FBLN2: variants seen among roughly 807,000 people sequenced by gnomAD.
FBLN2 encodes fibulin 2, also known as fibulin-2.
FBLN2 carries 81 observed loss-of-function variants against 123.7 expected under a neutral mutation model. The observed-to-expected ratio is 0.65, with a 90% CI of 0.55 to 0.79. The LOEUF is 0.79. Ranked by LOEUF, FBLN2 falls within the 30% of genes least tolerant of loss-of-function variation. The pLI, the probability that FBLN2 is intolerant of heterozygous loss-of-function variation, is 0.00. For missense variants in FBLN2, 1,603 were observed against 1,681.3 expected, an observed-to-expected ratio of 0.95 and a Z score of 0.81; for synonymous variants, 699 against 701.4, an observed-to-expected ratio of 1.00 and a Z score of 0.05.
intron 13 of FBLN2, 114 bp from the exon 14 acceptor site, chr3:13,629,706 C>G: frequency 1.4e-6 from 2 of 1,394,438 alleles, no homozygotes; most frequent in Non-Finnish European, 1.9e-6. Context: ...CCCTGTCTTT[C>G]CTTCTGGGTC....
intron 16 of FBLN2, among the ~76,000 whole-genome samples, chr3:13,632,913 G>A (rs1442559049): frequency 6.6e-6 from 1 of 152,152 alleles, no homozygotes; most frequent in Non-Finnish European, 1.5e-5. Flanking sequence ...AGCTCGGCAG[G>A]AAATATGGCT....
At chr3:13,620,085 G>A (rs1281841193) in intron 8 of FBLN2, among the ~76,000 whole-genome samples, 10 of 152,152 alleles carry the variant, frequency 6.6e-5, no homozygotes, top group African/African-American at 2.4e-4. Flanking sequence ...CTCACATGGT[G>A]TCGCTCCGCA....
intron 4 of FBLN2, 46 bp downstream of exon 4, chr3:13,609,688 G>GGGGGGGGGGGGGGGGGGCCC: frequency 2.0e-6 from 1 of 512,604 alleles, no homozygotes; most frequent in Non-Finnish European, 3.6e-6. Flanking sequence ...GTGGGGCGGG[G>GGGGGGGGGGGGGGGGGGCCC]CGGGAGGCTG....
At chr3:13,592,330 T>C (rs1439701917) in intron 2 of FBLN2, among the ~76,000 whole-genome samples, 1 of 151,708 alleles carries the variant, frequency 6.6e-6, no homozygotes, top group African/African-American at 2.4e-5. Flanking sequence ...CCGGCCAATG[T>C]TTTCTGGCCT....
intron 2 of FBLN2, among the ~76,000 whole-genome samples, chr3:13,605,222 C>T (rs1020128175): frequency 3.9e-5 from 6 of 152,108 alleles, no homozygotes; most frequent in Admixed American, 1.3e-4. Context: ...GTTAATTACA[C>T]GTCTCATTTC....
chr3:13,560,287 G>T (rs1013360625), intron 1 of FBLN2, among the ~76,000 whole-genome samples: 1 of 152,076 alleles, frequency 6.6e-6, no homozygotes, highest in Non-Finnish European at 1.5e-5. Context: ...AACCCTGGCT[G>T]TTCCACTTGA....
intron 1 of FBLN2, among the ~76,000 whole-genome samples, chr3:13,562,276 G>A (rs967012030): frequency 6.6e-6 from 1 of 150,416 alleles, no homozygotes; most frequent in Non-Finnish European, 1.5e-5. Flanking sequence ...CTGTTCTTTG[G>A]TTATTTACGT....
chr3:13,621,724 C>T (rs1705857116), intron 8 of FBLN2, 51 bp from the exon 9 acceptor site: 2 of 1,602,582 alleles, frequency 1.2e-6, no homozygotes. Flanking sequence ...TCCGTGGCAG[C>T]CCATGTCCCT....
chr3:13,607,969 C>A, intron 2 of FBLN2, 93 bp from the exon 3 acceptor site: 2 of 927,656 alleles, frequency 2.2e-6, no homozygotes, highest in Non-Finnish European at 3.3e-6. Flanking sequence ...ATGAGTTTGC[C>A]TGCCCAGTAA....
chr3:13,590,818 C>T (rs774067374), intron 2 of FBLN2, among the ~76,000 whole-genome samples: 5 of 152,142 alleles, frequency 3.3e-5, no homozygotes, highest in Non-Finnish European at 7.3e-5. Context: ...TTTTAAAAAT[C>T]AGTTTTAGTG....
At chr3:13,598,880 C>T (rs1385420314) in intron 2 of FBLN2, among the ~76,000 whole-genome samples, 1 of 152,192 alleles carries the variant, frequency 6.6e-6, no homozygotes, top group Non-Finnish European at 1.5e-5. Flanking sequence ...ACAGAGCCTG[C>T]TGGACGCACA....
At chr3:13,584,870 T>C (rs913310579) in intron 2 of FBLN2, among the ~76,000 whole-genome samples, 2 of 152,170 alleles carry the variant, frequency 1.3e-5, no homozygotes, top group African/African-American at 4.8e-5. Context: ...TAGAGTGAGC[T>C]CAGATGCCCA....
chr3:13,636,262 G>C (rs1179917411), intron 16 of FBLN2, among the ~76,000 whole-genome samples, 183 bp from the exon 17 acceptor site: 1 of 152,334 alleles, frequency 6.6e-6, no homozygotes, highest in South Asian at 2.1e-4. Flanking sequence ...TGACACTTTA[G>C]AGCCAGGCCC....
intron 1 of FBLN2, among the ~76,000 whole-genome samples, chr3:13,567,762 G>A (rs752719996): frequency 7.9e-5 from 12 of 151,210 alleles, no homozygotes; most frequent in Non-Finnish European, 1.5e-4. Flanking sequence ...GAGGTCAAGA[G>A]TTCAAGACCA....
At chr3:13,579,683 A>T (rs1243481304) in intron 2 of FBLN2, among the ~76,000 whole-genome samples, 4 of 152,190 alleles carry the variant, frequency 2.6e-5, no homozygotes, top group Non-Finnish European at 5.9e-5. Context: ...TCTTTGATTT[A>T]CCGGTTCCCT....
At chr3:13,568,942 G>A (rs1703831861) in intron 1 of FBLN2, 6 of 985,656 alleles carry the variant, frequency 6.1e-6, no homozygotes, top group Non-Finnish European at 7.2e-6. Context: ...TAGAAATGGG[G>A]CAGGCTTGGG....
chr3:13,586,215 C>T (rs142608058), intron 2 of FBLN2, among the ~76,000 whole-genome samples: 3,129 of 152,098 alleles, frequency 0.021, 101 homozygotes, highest in African/African-American at 0.069. Flanking sequence ...GATGGATTCT[C>T]GCTCTGTCCC....
At chr3:13,619,853 C>T (rs373173487) in intron 8 of FBLN2, 22 bp downstream of exon 8, 377 of 1,591,002 alleles carry the variant, frequency 2.4e-4, no homozygotes, top group Middle Eastern at 5.0e-4. Context: ...GGGGTGCCCT[C>T]CTACCTGTGC....
chr3:13,567,024 G>T (rs1703767533), intron 1 of FBLN2, among the ~76,000 whole-genome samples: 1 of 152,230 alleles, frequency 6.6e-6, no homozygotes, highest in Non-Finnish European at 1.5e-5. Flanking sequence ...TGGGCCTGAT[G>T]TTCTTTATCA....
Sources: gnomAD v4.1 joint callset for allele counts (sites outside exome capture counted in the v4.1 genomes callset) on GRCh38, gnomAD v4.1.1 for gene constraint, MANE v1.5 for transcripts, NCBI Gene and HGNC (gene_info 2026-07-23, HGNC 2026-07-21) for gene names.